The following ADAP1 variants were observed in gnomAD, a reference collection of about 807,000 sequenced individuals.
ADAP1 encodes the protein arf-GAP with dual PH domain-containing protein 1.
Under a neutral mutation model 54.9 loss-of-function variants are expected in ADAP1, and 31 were observed. The ratio of observed to expected loss-of-function variants is 0.56; its 90% CI spans 0.42 to 0.76. The LOEUF (loss-of-function observed/expected upper bound fraction) is 0.76, where lower values mean the gene tolerates loss of function less well. ADAP1 is among the 30% of genes least tolerant of loss of function. The probability of loss-of-function intolerance (pLI) is 0.00; values close to 1 mark genes in which losing one functional copy is unlikely to be tolerated. For synonymous variants in ADAP1, 313 were observed against 202.6 expected, an observed-to-expected ratio of 1.55 and a Z score of -4.63; for missense variants, 535 against 512.4, an observed-to-expected ratio of 1.04 and a Z score of -0.42.
intron 6 of ADAP1, among the ~76,000 whole-genome samples, chr7:902,523 G>GA (rs1249921089): frequency 6.7e-6 from 1 of 149,678 alleles, no homozygotes; most frequent in Non-Finnish European, 1.5e-5. Flanking sequence ...AAGGCTCTCT[G>GA]AAAAACTAAA....
At chr7:954,361 C>T (rs1189050720) in intron 1 of ADAP1, 35 bp downstream of exon 1, 4 of 1,036,302 alleles carry the variant, frequency 3.9e-6, no homozygotes, top group Non-Finnish European at 4.6e-6. Flanking sequence ...CACCCCGGAC[C>T]CACCCGGCCC....
At chr7:921,880 G>A (rs769782404) in intron 3 of ADAP1, among the ~76,000 whole-genome samples, 23 of 152,276 alleles carry the variant, frequency 1.5e-4, no homozygotes, top group Admixed American at 3.3e-4. Flanking sequence ...GCCTGCCAAC[G>A]GCCCTCAGGG....
At chr7:906,055 AGGAGAAAG>A (rs1323689471) in intron 4 of ADAP1, among the ~76,000 whole-genome samples, 5 of 21,258 alleles carry the variant, frequency 2.4e-4, no homozygotes, top group African/African-American at 8.0e-4. Flanking sequence ...GAAAGGAGAA[AGGAGAAAG>A]GGAGAAAGGA....
At position 906,601 on chromosome 7, in the gene ADAP1, GA is replaced by G. The variant is rs1267559639; in HGVS notation, c.389-1430del. 1.1e-3 allele frequency among the ~76,000 whole-genome samples: 19 copies of G among 16,594 alleles called. 2 individuals carry two copies. The highest frequency in any genetic ancestry group is 2.9e-3 in the African/African-American group (9 of 3,098). 10.9% of individuals were successfully genotyped at this position (16,594 alleles called of 152,430 possible). On this transcript the variant is annotated intron_variant, in intron 4 of 10. Transcript: ENST00000265846. ...AAAGGAGAAAGGAGAAAGGAGAAGG[GA>G]GAAAGGGAGAAAGGGAAAGGAGAAA...
intron 6 of ADAP1, among the ~76,000 whole-genome samples, chr7:902,659 A>G (rs1844880429): frequency 1.3e-5 from 2 of 151,722 alleles, no homozygotes; most frequent in African/African-American, 4.8e-5. Context: ...GAAAATGAGA[A>G]CAGGGAAAGT....
At chr7:900,237 T>A (rs149680972) in intron 7 of ADAP1, 73 bp from the exon 8 acceptor site, 341 of 1,574,992 alleles carry the variant, frequency 2.2e-4, no homozygotes, top group Non-Finnish European at 2.8e-4. Flanking sequence ...GCTGTGCCCC[T>A]CTGTGCTCCC....
intron 1 of ADAP1, among the ~76,000 whole-genome samples, chr7:942,645 A>C (rs1337285755): frequency 1.1e-3 from 13 of 11,748 alleles, no homozygotes; most frequent in East Asian, 0.013. Context: ...AGGAGGAGGA[A>C]GAGGAGGAAG....
upstream of ADAP1, chr7:954,718 C>A (rs1306691186): frequency 1.0e-6 from 1 of 981,290 alleles, no homozygotes; most frequent in African/African-American, 1.8e-5. Flanking sequence ...GCGCTCTGGC[C>A]GGCAAGGCCC....
intron 6 of ADAP1, chr7:901,056 C>T (rs1844784916): frequency 2.1e-6 from 1 of 471,540 alleles, no homozygotes; most frequent in African/African-American, 2.0e-5. Context: ...AGAAGGGAGG[C>T]TCATCTGTTT....
chr7:906,815 T>TGGGTGACACGGGGGACAG (rs1845478794), intron 4 of ADAP1, among the ~76,000 whole-genome samples: 1 of 138,188 alleles, frequency 7.2e-6, no homozygotes, highest in Non-Finnish European at 1.5e-5. Context: ...TGGGGGGACA[T>TGGGTGACACGGGGGACAG]GGGTCAGATG....
chr7:953,530 C>G (rs1299360393), intron 1 of ADAP1, among the ~76,000 whole-genome samples: 9 of 152,346 alleles, frequency 5.9e-5, no homozygotes, highest in Non-Finnish European at 1.2e-4. Context: ...TAGGTTTGTT[C>G]CGAGGGGCTT....
Position 933,487 on chromosome 7 carries a change from CGGGGGCCG to C in ADAP1, c.213+1880_213+1887del, listed in dbSNP as rs1846649786. On this transcript the variant is annotated intron_variant, in intron 2 of 10. Transcript: ENST00000265846. ...GCAGGGGTCAGTGGTGCTGGAGAGC[CGGGGGCCG>C]GGGTCAGTGGTGCTGGAGAGCCGGG... Among the ~76,000 whole-genome samples the C allele has an allele frequency of 6.4e-5, 3 of 46,650 alleles. No individual in the cohort carries two copies. The South Asian group carries it at 6.0e-3, about 93-fold the overall frequency. 30.6% of individuals were successfully genotyped at this position (46,650 alleles called of 152,430 possible).
At chr7:944,623 A>G (rs373476064) in intron 1 of ADAP1, among the ~76,000 whole-genome samples, 121 of 152,320 alleles carry the variant, frequency 7.9e-4, no homozygotes, top group African/African-American at 2.7e-3. Flanking sequence ...TGGGGTCCAC[A>G]AGACATTTTG....
In ADAP1 at chr7:904,100, G is replaced by A. The variant is rs371063602; in HGVS notation, c.648+26C>T. The A allele has an allele frequency of 6.6e-4, 1,060 of 1,610,236 alleles. 5 individuals are homozygous for A. Among genetic ancestry groups the A allele is most frequent in the African/African-American group, 7.7e-4 (58 of 74,920 alleles). On this transcript the variant is annotated intron_variant, in intron 6 of 10. Transcript: ENST00000265846. ...GAGGGCCCACCCTCCTGTGCCACCCGGGCCCGAGTGCTCGCCAGCACCCAC... is the reference window on the plus strand; with the variant it reads ...GAGGGCCCACCCTCCTGTGCCACCCAGGCCCGAGTGCTCGCCAGCACCCAC...
rs930328646 is a variant in ADAP1, at chr7:926,820, G to C, written c.214-176C>G. On this transcript the variant is annotated intron_variant, in intron 2 of 10. Transcript: ENST00000265846. The surrounding 1 kb of genome is among the most constrained non-coding windows in gnomAD (Gnocchi z 4.6). Reference sequence around the variant, plus strand: ...TGCCCCAGGGACACCATTTCTGAGTGATCGACCCTCCCCTGGGACAGGGAA... The same window carrying C: ...TGCCCCAGGGACACCATTTCTGAGTCATCGACCCTCCCCTGGGACAGGGAA... 9 of 740,358 alleles carry C rather than the reference G, an allele frequency of 1.2e-5. No individual in the cohort carries two copies. The highest frequency in any genetic ancestry group is 1.1e-4 in the African/African-American group (6 of 54,338). 45.9% of individuals were successfully genotyped at this position (740,358 alleles called of 1,614,324 possible).
In ADAP1 at chr7:898,522, G is replaced by A. The variant is rs566941021; in HGVS notation, c.*399C>T. On this transcript the variant is annotated 3_prime_UTR_variant, in exon 11 of 11. Coordinates refer to ENST00000265846, the MANE Select transcript of ADAP1 (RefSeq NM_006869.4). ...GAGCAGGGCCCAGTCCCCAGCGGCCGGCAGCTGCCCACCGTGCTGGCCCCA... is the reference window on the plus strand; with the variant it reads ...GAGCAGGGCCCAGTCCCCAGCGGCCAGCAGCTGCCCACCGTGCTGGCCCCA... 6.9e-5 allele frequency: 20 copies of A among 288,524 alleles called. No homozygotes were observed. Among genetic ancestry groups the A allele is most frequent in the Admixed American group, 2.7e-4 (6 of 22,130 alleles). 17.9% of individuals were successfully genotyped at this position (288,524 alleles called of 1,614,324 possible).
chr7:948,084 C>T (rs1160323523), intron 1 of ADAP1, among the ~76,000 whole-genome samples: 2 of 152,024 alleles, frequency 1.3e-5, no homozygotes, highest in African/African-American at 4.8e-5. Context: ...CACACCTTGG[C>T]CACCCCACGG....
chr7:952,090 C>T (rs968393082), intron 1 of ADAP1, among the ~76,000 whole-genome samples: 4 of 151,940 alleles, frequency 2.6e-5, no homozygotes, highest in East Asian at 1.9e-4. Flanking sequence ...GGTCCAGGCA[C>T]GCCCCAACTC....
At chr7:905,731 GA>G (rs1845210414) in intron 4 of ADAP1, 1 of 55,710 alleles carries the variant, frequency 1.8e-5, no homozygotes, top group African/African-American at 5.9e-5. Flanking sequence ...AGGGAAAGGA[GA>G]AAGGGAAAGG....
Sources: gnomAD v4.1 joint callset for allele counts (sites outside exome capture counted in the v4.1 genomes callset) on GRCh38, gnomAD v4.1.1 for gene constraint, Gnocchi (gnomAD v3.1) non-coding constraint, MANE v1.5 for transcripts, NCBI Gene and HGNC (gene_info 2026-07-23, HGNC 2026-07-21) for gene names.